The following RGS20 variants were observed in gnomAD, a reference collection of about 807,000 sequenced individuals.
RGS20 encodes the protein regulator of G protein signaling 20, also known as gz-selective GTPase-activating protein.
A neutral mutation model predicts 33.6 loss-of-function variants in RGS20; 30 were observed. That is an observed-to-expected ratio of 0.89 (90% CI 0.67 to 1.21). The LOEUF is 1.21. Ranked by LOEUF, RGS20 falls within the 50% of genes most tolerant of loss-of-function variation. The pLI, the probability that RGS20 is intolerant of heterozygous loss-of-function variation, is 0.00. For missense variants in RGS20, 472 were observed against 502.4 expected (o/e 0.94, Z 0.58); for synonymous variants, 208 against 197.9 (o/e 1.05, Z -0.43).
intron 1 of RGS20, among the ~76,000 whole-genome samples, chr8:53,868,323 C>G (rs1017870826): frequency 1.3e-5 from 2 of 152,138 alleles, no homozygotes; most frequent in African/African-American, 4.8e-5. Context: ...GAATATCACT[C>G]TCATAGATTA....
chr8:53,959,214 G>T lies in RGS20; in HGVS notation c.*756G>T, dbSNP rs1289813194. The T allele has an allele frequency of 6.6e-6, 1 of 152,148 alleles. No individual in the cohort carries two copies. The highest frequency in any genetic ancestry group is 1.5e-5 in the Non-Finnish European group (1 of 68,032). The allele number at this position is 152,148 out of a possible 1,614,324, so 9.4% of individuals were successfully genotyped here. ...ACTTGGTCATGTTCACAACAAAACT[G>T]TCAAATAAGCATATTTCCATTTTTA... On this transcript the variant is annotated 3_prime_UTR_variant, in exon 6 of 6. Transcript: ENST00000297313.
intron 1 of RGS20, among the ~76,000 whole-genome samples, chr8:53,869,556 G>T (rs1563345291): frequency 6.6e-6 from 1 of 151,982 alleles, no homozygotes; most frequent in South Asian, 2.1e-4. Context: ...GGTGCCTGTA[G>T]TCCCAGCTAC....
At chr8:53,875,878 C>T (rs181122239) in intron 1 of RGS20, among the ~76,000 whole-genome samples, 1 of 152,280 alleles carries the variant, frequency 6.6e-6, no homozygotes, top group Admixed American at 6.5e-5. Flanking sequence ...GTTGGGTTCA[C>T]CTCAAGTTAA....
At chr8:53,919,346 CTTT>C (rs1320840458) in intron 2 of RGS20, among the ~76,000 whole-genome samples, 2 of 141,082 alleles carry the variant, frequency 1.4e-5, no homozygotes, top group Non-Finnish European at 1.5e-5. Context: ...TGTCTTTTCA[CTTT>C]TTTTTTTTTT....
chr8:53,937,241 T>C (rs554748023), intron 2 of RGS20, among the ~76,000 whole-genome samples: 4 of 152,076 alleles, frequency 2.6e-5, no homozygotes, highest in Non-Finnish European at 2.9e-5. Flanking sequence ...TGTATACATA[T>C]GTAACAAACC....
At chr8:53,884,684 G>A (rs1482615714) in intron 2 of RGS20, among the ~76,000 whole-genome samples, 1 of 152,140 alleles carries the variant, frequency 6.6e-6, no homozygotes, top group African/African-American at 2.4e-5. Context: ...ACACCACACT[G>A]CTGATTTCCT....
At chr8:53,860,325 G>A (rs1811781643) in intron 1 of RGS20, among the ~76,000 whole-genome samples, 1 of 152,092 alleles carries the variant, frequency 6.6e-6, no homozygotes, top group Non-Finnish European at 1.5e-5. Flanking sequence ...ACTATATTTG[G>A]CTTATATGAT....
At chr8:53,914,150 C>T (rs1057170810) in intron 2 of RGS20, among the ~76,000 whole-genome samples, 2 of 151,620 alleles carry the variant, frequency 1.3e-5, no homozygotes, top group African/African-American at 4.9e-5. Flanking sequence ...CCTGCCTCAG[C>T]CTACTGAGTA....
chr8:53,929,160 A>G (rs1208187043), intron 2 of RGS20, among the ~76,000 whole-genome samples: 2 of 152,244 alleles, frequency 1.3e-5, no homozygotes, highest in Non-Finnish European at 2.9e-5. Flanking sequence ...GGGAAGGAAC[A>G]AAAGAGAAAT....
intron 1 of RGS20, among the ~76,000 whole-genome samples, chr8:53,852,347 C>A (rs531974357): frequency 9.2e-5 from 14 of 152,234 alleles, no homozygotes; most frequent in Admixed American, 3.3e-4. Flanking sequence ...TTCAACAAAT[C>A]TAGACAGATT....
At chr8:53,867,107 T>G (rs1385324373) in intron 1 of RGS20, among the ~76,000 whole-genome samples, 1 of 152,094 alleles carries the variant, frequency 6.6e-6, no homozygotes, top group African/African-American at 2.4e-5. Flanking sequence ...CATGTCTCCC[T>G]CTCCTGACCC....
chr8:53,926,047 A>G (rs1287710648), intron 2 of RGS20, among the ~76,000 whole-genome samples: 2 of 152,064 alleles, frequency 1.3e-5, no homozygotes, highest in Non-Finnish European at 2.9e-5. Flanking sequence ...ACCTCTATGA[A>G]AAAAAATTGT....
intron 2 of RGS20, chr8:53,879,645 C>T: frequency 7.3e-7 from 1 of 1,378,140 alleles, no homozygotes; most frequent in Non-Finnish European, 9.6e-7. Context: ...CCAGCCTCCC[C>T]AGGACACCAG....
chr8:53,899,274 A>C (rs984275387), intron 2 of RGS20, among the ~76,000 whole-genome samples: 3 of 152,148 alleles, frequency 2.0e-5, no homozygotes, highest in Non-Finnish European at 4.4e-5. Context: ...TTTAAGTCAC[A>C]GAATCATGAC....
Position 53,899,671 on chromosome 8 carries a change from G to A in RGS20, c.510+20069G>A, listed in dbSNP as rs183397780. Among the ~76,000 whole-genome samples, 6 of 152,284 alleles carry A rather than the reference G, an allele frequency of 3.9e-5. No homozygotes were observed. In the East Asian group the frequency reaches 5.8e-4, roughly 15 times the overall value. ...TTATATAGATGGGTTCATATGATACGTGGCCTTTTCTAGCTGGCTTCTCTC... is the reference window on the plus strand; with the variant it reads ...TTATATAGATGGGTTCATATGATACATGGCCTTTTCTAGCTGGCTTCTCTC... On this transcript the variant is annotated intron_variant, in intron 2 of 5. Coordinates refer to ENST00000297313, the MANE Select transcript of RGS20 (RefSeq NM_170587.4).
intron 1 of RGS20, among the ~76,000 whole-genome samples, chr8:53,858,858 G>GA (rs1290208447): frequency 8.4e-6 from 1 of 118,876 alleles, no homozygotes; most frequent in Non-Finnish European, 1.7e-5. Context: ...TTGACTGTCT[G>GA]AAAAATATCC....
At chr8:53,884,342 C>G (rs902421879) in intron 2 of RGS20, among the ~76,000 whole-genome samples, 3 of 151,890 alleles carry the variant, frequency 2.0e-5, no homozygotes, top group Non-Finnish European at 4.4e-5. Flanking sequence ...ACTTAAGGTG[C>G]CTGCCACCGC....
rs115009233 is a variant in RGS20, at chr8:53,870,476, G to A, written c.166-8782G>A. 2.3e-3 allele frequency among the ~76,000 whole-genome samples: 356 copies of A among 152,256 alleles called. 1 individual carries two copies. Among genetic ancestry groups the A allele is most frequent in the African/African-American group, 7.7e-3 (319 of 41,524 alleles). On this transcript the variant is annotated intron_variant, in intron 1 of 5. Coordinates refer to ENST00000297313, the MANE Select transcript of RGS20 (RefSeq NM_170587.4). The stretch of plus-strand genomic sequence containing the variant: ...ACTAATGCCTGCATGCATCATTATC[G>A]TATGGAATAAATAATGCATCTTTGG...
intron 2 of RGS20, among the ~76,000 whole-genome samples, chr8:53,893,673 C>G (rs1812777631): frequency 6.6e-6 from 1 of 152,198 alleles, no homozygotes; most frequent in African/African-American, 2.4e-5. Context: ...TTATCAAATT[C>G]TCACTAGAGC....
Sources: gnomAD v4.1 joint callset for allele counts (sites outside exome capture counted in the v4.1 genomes callset) on GRCh38, gnomAD v4.1.1 for gene constraint, MANE v1.5 for transcripts, NCBI Gene and HGNC (gene_info 2026-07-23, HGNC 2026-07-21) for gene names.